Variants in CHD4 observed in about 807,000 individuals in gnomAD.
CHD4 encodes the protein ATP-dependent chromatin remodeler CHD4.
A neutral mutation model predicts 235.5 loss-of-function variants in CHD4; 35 were observed. That is an observed-to-expected ratio of 0.15 (90% CI 0.11 to 0.20). The LOEUF (loss-of-function observed/expected upper bound fraction) is 0.20. CHD4 is among the 10% of genes least tolerant of loss of function. The pLI, the probability that CHD4 is intolerant of heterozygous loss-of-function variation, is 1.00. For synonymous variants in CHD4, 900 were observed against 850.2 expected (o/e 1.06, Z -1.02); for missense variants, 1,329 against 2,432.3 (o/e 0.55, Z 9.54).
In CHD4 at chr12:6,598,341, G is replaced by A. The variant is rs775734371; in HGVS notation, c.1567C>T (p.Pro523Ser). The A allele has an allele frequency of 2.5e-6, 4 of 1,614,162 alleles. No individual in the cohort carries two copies. Among genetic ancestry groups the A allele is most frequent in the East Asian group, 4.5e-5 (2 of 44,882 alleles). The change falls in exon 11 of 40, where the codon CCA becomes TCA. Residue 523 changes from proline to serine, a missense_variant. Coordinates refer to ENST00000544040, the MANE Select transcript of CHD4 (RefSeq NM_001273.5). ...GAGGGCGTGTTGGGATCAGCATCTG[G>A]AGGCCGAGGCACTGGTGTGGGAGAT... ...PPSPTPVPRP[P>S]DADPNTPSPK...
At chr12:6,587,360 G>A (rs1167101548) in intron 25 of CHD4, 24 bp downstream of exon 25, 2 of 1,606,924 alleles carry the variant, frequency 1.2e-6, no homozygotes, top group South Asian at 1.1e-5. Flanking sequence ...ACCAAGCACA[G>A]GATTGCCTTG....
rs79974709 is a variant in CHD4, at chr12:6,598,881, G to A, written c.1483-456C>T. ...CTCCTCCAGGGAGAAAATACAGGTT[G>A]AGGACCCCTCATGTGAAATGCTTGG... is the stretch of plus-strand genomic sequence containing the variant. On this transcript the variant is annotated intron_variant, in intron 10 of 39. Transcript: ENST00000544040. Among the ~76,000 whole-genome samples, 866 of 152,358 alleles carry A rather than the reference G, an allele frequency of 5.7e-3. 4 individuals are homozygous for A. Among genetic ancestry groups the A allele is most frequent in the Non-Finnish European group, 0.01 (706 of 68,034 alleles).
Position 6,582,703 on chromosome 12 carries a change from T to C in CHD4, c.4282A>G (p.Ile1428Val), listed in dbSNP as rs758495195. ...ARQRKAFLNA[I>V]MRYGMPPQDA... ...TGAGGTGGCATACCATATCGCATAA[T>C]TGCATTAAGAAAGGCTTTTCGCTGA... The change falls in exon 29 of 40, where the codon ATT (isoleucine) becomes GTT (valine). Residue 1428 changes from isoleucine (I) to valine (V), a missense_variant. Transcript: ENST00000544040. The C allele has an allele frequency of 5.6e-6, 9 of 1,614,136 alleles. No homozygotes were observed. The highest frequency in any genetic ancestry group is 2.2e-5 in the South Asian group (2 of 91,076).
In CHD4 at chr12:6,588,415, A is replaced by G; in HGVS notation, c.3348T>C (p.Gly1116=). Residue 1116 remains glycine, a synonymous_variant, in exon 23 of 40, where the codon GGT becomes GGC. Coordinates refer to ENST00000544040, the MANE Select transcript of CHD4 (RefSeq NM_001273.5). ...AAAGCAAGAAGCAGAACTGCTGAGC[A>G]CCCGGTGCTAATAAAAGAACCAAAA... ...QEAIDRFNAP[G]AQQFCFLLST... 1 of 1,613,598 alleles carries G rather than the reference A, an allele frequency of 6.2e-7. No homozygotes were observed. Among genetic ancestry groups the G allele is most frequent in the Non-Finnish European group, 8.5e-7 (1 of 1,179,874 alleles).
chr12:6,598,139 G>A lies in CHD4; in HGVS notation c.1687-40C>T, dbSNP rs753743099. Reference sequence around the variant, plus strand: ...AGAAAATCAGCCACCAAGAAGCTGTGTTCATTCCTTCTATCCACAAGGCTC... The same window carrying A: ...AGAAAATCAGCCACCAAGAAGCTGTATTCATTCCTTCTATCCACAAGGCTC... On this transcript the variant is annotated intron_variant, in intron 11 of 39. Coordinates refer to ENST00000544040, the MANE Select transcript of CHD4 (RefSeq NM_001273.5). The A allele has an allele frequency of 2.5e-6, 4 of 1,612,574 alleles. No individual in the cohort carries two copies. In the African/African-American group the frequency reaches 4.0e-5, roughly 16 times the overall value.
rs778802291 is a variant in CHD4 at position 6,588,349 on chromosome 12, A to C, written c.3414T>G (p.Ala1138=). ...AGGLGINLAT[A]DTVIIYDSDW... The stretch of plus-strand genomic sequence containing the variant: ...CAGAGTCATAGATAATAACTGTGTC[A>C]GCAGTGGCCAGATTGATTCCAAGGC... Residue 1138 remains alanine (A), a synonymous_variant, in exon 23 of 40, where the codon GCT becomes GCG. Coordinates refer to ENST00000544040, the MANE Select transcript of CHD4 (RefSeq NM_001273.5). The C allele has an allele frequency of 6.2e-7, 1 of 1,614,230 alleles. No homozygotes were observed. Among genetic ancestry groups the C allele is most frequent in the Non-Finnish European group, 8.5e-7 (1 of 1,180,042 alleles).
At position 6,574,351 on chromosome 12, in the gene CHD4, G is replaced by C. The variant is rs754454493; in HGVS notation, c.5362-1082C>G. Among the ~76,000 whole-genome samples the C allele has an allele frequency of 2.0e-5, 3 of 152,112 alleles. No homozygotes were observed. The East Asian group carries it at 5.8e-4, about 29-fold the overall frequency. On this transcript the variant is annotated intron_variant, in intron 37 of 39. Transcript: ENST00000544040. ...TTCACCTATGCATTCTCCTAATGCT[G>C]AACATTTATGTTGCCTCTAGGCCCC...
chr12:6,581,214 G>A, intron 32 of CHD4, 41 bp from the exon 33 acceptor site: 1 of 1,612,298 alleles, frequency 6.2e-7, no homozygotes, highest in Non-Finnish European at 8.5e-7. Context: ...AGATGAAGCA[G>A]ACAGGCCAGC....
intron 14 of CHD4, among the ~76,000 whole-genome samples, chr12:6,595,047 T>A (rs2284325): frequency 0.27 from 40,693 of 152,014 alleles, 6,897 homozygotes; most frequent in African/African-American, 0.49. Context: ...GCCAGATTCC[T>A]ATGTAAGTGC....
At chr12:6,572,214 A>G (rs371703431) in intron 38 of CHD4, among the ~76,000 whole-genome samples, 2 of 151,682 alleles carry the variant, frequency 1.3e-5, no homozygotes, top group East Asian at 3.9e-4. Context: ...GGATCACTTG[A>G]AGTCAGTTTG....
At chr12:6,594,775 G>T in intron 14 of CHD4, 125 bp from the exon 15 acceptor site, 1 of 815,486 alleles carries the variant, frequency 1.2e-6, no homozygotes, top group East Asian at 2.6e-5. Context: ...AAAATTCGGA[G>T]GGAAGAGATC....
intron 25 of CHD4, 90 bp downstream of exon 25, chr12:6,587,294 A>AATC (rs1286878380): frequency 7.4e-7 from 1 of 1,358,916 alleles, no homozygotes; most frequent in African/African-American, 1.4e-5. Flanking sequence ...GCCTACAGAT[A>AATC]TTTTCCACTT....
chr12:6,573,337 C>G lies in CHD4; in HGVS notation c.5362-68G>C, dbSNP rs1295397258. On this transcript the variant is annotated intron_variant, in intron 37 of 39. Transcript: ENST00000544040. Reference sequence around the variant, plus strand: ...CACTTTACTCACTTCTGACTGGCCTCTCAGCTCACCTCTCATTGTTTCAGA... The same window carrying G: ...CACTTTACTCACTTCTGACTGGCCTGTCAGCTCACCTCTCATTGTTTCAGA... 9.4e-6 allele frequency: 12 copies of G among 1,269,966 alleles called. 1 individual carries two copies. Among genetic ancestry groups the G allele is most frequent in the Middle Eastern group, 4.1e-4 (2 of 4,872 alleles). 78.7% of individuals were successfully genotyped at this position (1,269,966 alleles called of 1,614,324 possible).
chr12:6,593,025 T>C lies in CHD4; in HGVS notation c.2652+66A>G. On this transcript the variant is annotated intron_variant, in intron 17 of 39. Coordinates refer to ENST00000544040, the MANE Select transcript of CHD4 (RefSeq NM_001273.5). The surrounding 1 kb of genome is among the most constrained non-coding windows in gnomAD (Gnocchi z 4.9). ...CCTCTCCATCTACAAGTTTTCCCCTTAATGAATTGGTAGTACTAGAAAAAA... is the reference window on the plus strand; with the variant it reads ...CCTCTCCATCTACAAGTTTTCCCCTCAATGAATTGGTAGTACTAGAAAAAA... 6.3e-7 allele frequency: 1 copy of C among 1,590,894 alleles called. No homozygotes were observed.
chr12:6,582,927 C>T lies in CHD4; in HGVS notation c.4157G>A (p.Arg1386Lys), dbSNP rs745481056. The T allele has an allele frequency of 6.2e-7, 1 of 1,613,496 alleles. No homozygotes were observed. The highest frequency in any genetic ancestry group is 2.2e-5 in the East Asian group (1 of 44,878). ...ATTCCGCAGGCCCTTACGACTGGGC[C>T]TACGGGGAGCTGCAAGAAGAAAAAG... ...DFDERSEAPRRPSRKGLRNDK... is the reference protein window; with the variant it reads ...DFDERSEAPRKPSRKGLRNDK... Residue 1386 changes from arginine to lysine, a missense_variant, in exon 28 of 40, where the codon AGG (arginine) becomes AAG (lysine). Physicochemically the swap from Arg to Lys is conservative, Grantham distance 26. Around this residue, in one of 26 missense-constraint regions of CHD4, gnomAD observed 46 missense variants for 85.6 expected, o/e 0.54. Coordinates refer to ENST00000544040, the MANE Select transcript of CHD4 (RefSeq NM_001273.5).
At chr12:6,581,599 G>C in intron 31 of CHD4, 50 bp downstream of exon 31, 1 of 1,612,802 alleles carries the variant, frequency 6.2e-7, no homozygotes, top group South Asian at 1.1e-5. Context: ...CAGAAAAATA[G>C]GCCAGGACAA....
rs1206687807 is a variant in CHD4 at position 6,593,112 on chromosome 12, C to T, written c.2631G>A (p.Arg877=). The T allele has an allele frequency of 6.2e-7, 1 of 1,614,036 alleles. No individual in the cohort carries two copies. Among genetic ancestry groups the T allele is most frequent in the African/African-American group, 1.3e-5 (1 of 74,926 alleles). The change falls in exon 17 of 40, where the codon CGG becomes CGA. Residue 877 remains arginine, a synonymous_variant. Transcript: ENST00000544040. The surrounding 1 kb of genome is among the most constrained non-coding windows in gnomAD (Gnocchi z 4.9). The part of the protein sequence containing the change: ...WACLIVDEAH[R]LKNNQSKFFR... ...TCACCTTAGACTGATTGTTCTTCAG[C>T]CGATGGGCTTCATCCACGATGAGGC...
intron 38 of CHD4, among the ~76,000 whole-genome samples, chr12:6,572,373 C>T (rs1947989478): frequency 6.6e-6 from 1 of 151,204 alleles, no homozygotes; most frequent in South Asian, 2.1e-4. Context: ...TTGTGGTGGG[C>T]CAAGATCACA....
intron 10 of CHD4, 45 bp from the exon 11 acceptor site, chr12:6,598,470 A>G (rs1178760810): frequency 1.4e-6 from 2 of 1,470,230 alleles, no homozygotes; most frequent in Middle Eastern, 1.8e-4. Context: ...TAACCATGGG[A>G]GGAGAAGGGA....
Sources: allele counts gnomAD v4.1 joint callset (sites outside exome capture counted in the v4.1 genomes callset), GRCh38; gene constraint gnomAD v4.1.1; regional missense constraint gnomAD v4.1.1; non-coding constraint Gnocchi (gnomAD v3.1); transcripts MANE v1.5; gene names NCBI Gene and HGNC (gene_info 2026-07-23, HGNC 2026-07-21).